Variants in SAMD5 observed in about 807,000 individuals in gnomAD.
SAMD5 encodes the protein sterile alpha motif domain-containing protein 5.
Under a neutral mutation model 11.3 loss-of-function variants are expected in SAMD5, and 13 were observed. The ratio of observed to expected loss-of-function variants is 1.15; its 90% CI spans 0.75 to 1.83. SAMD5 has a LOEUF of 1.83. Among genes scored for constraint, SAMD5 ranks in the 40% most tolerant of loss-of-function variants. The pLI is 0.00. For missense variants in SAMD5, 255 were observed against 239.1 expected, an observed-to-expected ratio of 1.07 and a Z score of -0.44; for synonymous variants, 129 against 111.3, an observed-to-expected ratio of 1.16 and a Z score of -1.00.
At chr6:147,910,888 A>G in the SAMD5 span, among the ~76,000 whole-genome samples, 3 of 152,352 alleles carry the variant, frequency 2.0e-5, no homozygotes, top group South Asian at 2.1e-4. Context: ...AGTAGTGCAT[A>G]CAACTAAAAC....
the SAMD5 span, among the ~76,000 whole-genome samples, chr6:147,806,917 G>T: frequency 2.0e-5 from 3 of 151,982 alleles, no homozygotes; most frequent in South Asian, 2.1e-4. Context: ...GCACTTGTTT[G>T]CTCTCTCTCT....
chr6:147,806,305 C>CGT, the SAMD5 span, among the ~76,000 whole-genome samples: 1 of 42,900 alleles, frequency 2.3e-5, no homozygotes, highest in South Asian at 1.0e-3. Flanking sequence ...TGTGCGCATG[C>CGT]GCGCGCGCGC....
rs73787325 is a variant in SAMD5, at chr6:147,614,765, A to G, written c.162+105378A>G. On this transcript the variant is annotated intron_variant, in intron 1 of 1. Coordinates refer to the SAMD5 transcript ENST00000566741. The stretch of plus-strand genomic sequence containing the variant: ...TGCTATGAATAGTGAGTACATGAGT[A>G]CATACATACTTTAAAATTCATCAAG... Among the ~76,000 whole-genome samples the G allele has an allele frequency of 1.1e-4, 17 of 152,060 alleles. 1 individual carries two copies. The highest frequency in any genetic ancestry group is 4.1e-4 in the African/African-American group (17 of 41,320).
the SAMD5 span, among the ~76,000 whole-genome samples, chr6:147,899,833 T>G: frequency 1.2e-4 from 19 of 152,306 alleles, 1 homozygote; most frequent in African/African-American, 4.1e-4. Context: ...GAGCTCACAC[T>G]CTAGGTAGAG....
In SAMD5 at chr6:147,568,303, T is replaced by C. The variant is rs938476693; in HGVS notation, c.*3847T>C. 2.0e-6 allele frequency: 2 copies of C among 985,164 alleles called. No homozygotes were observed. Among genetic ancestry groups the C allele is most frequent in the African/African-American group, 3.5e-5 (2 of 57,200 alleles). The allele number at this position is 985,164 out of a possible 1,614,324, so 61.0% of individuals were successfully genotyped here. ...TGAGCATGTCTGAATTTTTCCCTTA[T>C]AAGAGCCTGAGTATTGTAACAGGTC... On this transcript the variant is annotated 3_prime_UTR_variant, in exon 2 of 2. Transcript: ENST00000367474.
chr6:147,822,234 C>A, the SAMD5 span, among the ~76,000 whole-genome samples: 3 of 152,274 alleles, frequency 2.0e-5, no homozygotes, highest in Admixed American at 2.0e-4. Context: ...CAATGTTTAA[C>A]AATCTGTTTC....
rs143496191 is a variant in SAMD5, at chr6:147,650,441, G to A, written c.163-86876G>A. Among the ~76,000 whole-genome samples the A allele has an allele frequency of 2.4e-3, 366 of 152,342 alleles. 1 individual carries two copies. The highest frequency in any genetic ancestry group is 0.01 in the Middle Eastern group (3 of 294). On this transcript the variant is annotated intron_variant, in intron 1 of 1. Coordinates refer to the SAMD5 transcript ENST00000566741. Reference sequence around the variant, plus strand: ...AATTGGGGAAACTGCAAAAGGCCCAGGATGGTTTGAACCTTTGGTGGAAAG... The same window carrying A: ...AATTGGGGAAACTGCAAAAGGCCCAAGATGGTTTGAACCTTTGGTGGAAAG...
chr6:147,693,705 C>T (rs922147741), intron 1 of SAMD5, among the ~76,000 whole-genome samples: 2 of 152,056 alleles, frequency 1.3e-5, no homozygotes, highest in African/African-American at 2.4e-5. Flanking sequence ...GTGGCTCATG[C>T]CTGTAATCCT....
chr6:147,893,993 C>A, the SAMD5 span, among the ~76,000 whole-genome samples: 2 of 152,092 alleles, frequency 1.3e-5, no homozygotes, highest in Non-Finnish European at 2.9e-5. Context: ...TCCAAAGCAT[C>A]ATTTCAAAGG....
At chr6:147,772,388 A>G in the SAMD5 span, among the ~76,000 whole-genome samples, 1 of 152,142 alleles carries the variant, frequency 6.6e-6, no homozygotes, top group African/African-American at 2.4e-5. Context: ...AAAATATTTC[A>G]CATTTAAATG....
intron 1 of SAMD5, among the ~76,000 whole-genome samples, chr6:147,662,822 T>C (rs1416760285): frequency 6.6e-6 from 1 of 152,218 alleles, no homozygotes; most frequent in Non-Finnish European, 1.5e-5. Context: ...ATGTGCATAA[T>C]TGGCTACATG....
the SAMD5 span, among the ~76,000 whole-genome samples, chr6:147,934,075 C>G: frequency 6.6e-6 from 1 of 152,148 alleles, no homozygotes; most frequent in African/African-American, 2.4e-5. Flanking sequence ...CCCACCCACT[C>G]CGAGTCTGGT....
intron 1 of SAMD5, among the ~76,000 whole-genome samples, chr6:147,622,888 GGC>G (rs1789992459): frequency 1.3e-5 from 2 of 152,182 alleles, no homozygotes; most frequent in Admixed American, 1.3e-4. Flanking sequence ...CGTGGTGGCA[GGC>G]AAGAGAGAAT....
At chr6:147,806,067 G>T in the SAMD5 span, among the ~76,000 whole-genome samples, 266 of 152,256 alleles carry the variant, frequency 1.7e-3, no homozygotes, top group African/African-American at 6.0e-3. Context: ...CAGCAGCCAA[G>T]GGGAGGAACC....
the SAMD5 span, among the ~76,000 whole-genome samples, chr6:147,758,730 T>G: frequency 6.6e-6 from 1 of 152,106 alleles, no homozygotes; most frequent in Admixed American, 6.6e-5. Flanking sequence ...GCAGTTGGGA[T>G]TAAATCCAAC....
chr6:147,557,303 T>C (rs1300102887), intron 1 of SAMD5, among the ~76,000 whole-genome samples: 11 of 152,224 alleles, frequency 7.2e-5, no homozygotes, highest in Non-Finnish European at 1.2e-4. Flanking sequence ...TAAAATTCTA[T>C]CTTTCCTGCA....
intron 1 of SAMD5, among the ~76,000 whole-genome samples, chr6:147,593,944 A>C (rs1322725519): frequency 6.6e-6 from 1 of 152,154 alleles, no homozygotes; most frequent in African/African-American, 2.4e-5. Context: ...CCTGGCCAAC[A>C]TGGTGAAACC....
chr6:147,533,979 C>T (rs1332926090), intron 1 of SAMD5, among the ~76,000 whole-genome samples: 2 of 152,172 alleles, frequency 1.3e-5, no homozygotes, highest in East Asian at 3.9e-4. Flanking sequence ...AAACTGGGCA[C>T]CACAGTCAAG....
chr6:147,568,769 T>C lies in SAMD5; in HGVS notation c.*4313T>C. 1 of 970,270 alleles carries C rather than the reference T, an allele frequency of 1.0e-6. No homozygotes were observed. Among genetic ancestry groups the C allele is most frequent in the Non-Finnish European group, 1.2e-6 (1 of 816,144 alleles). The allele number at this position is 970,270 out of a possible 1,614,324, so 60.1% of individuals were successfully genotyped here. On this transcript the variant is annotated 3_prime_UTR_variant, in exon 2 of 2. Transcript: ENST00000367474. Reference sequence around the variant, plus strand: ...ATCAATTACATATTCCTACATCAGATATTTTACACTATCAGATTCTTTGAT... The same window carrying C: ...ATCAATTACATATTCCTACATCAGACATTTTACACTATCAGATTCTTTGAT...
Sources: gnomAD v4.1 joint callset for allele counts (sites outside exome capture counted in the v4.1 genomes callset) on GRCh38, gnomAD v4.1.1 for gene constraint, MANE v1.5 for transcripts, NCBI Gene and HGNC (gene_info 2026-07-23, HGNC 2026-07-21) for gene names.